THRB: variants seen among roughly 807,000 people sequenced by gnomAD.
THRB encodes nuclear receptor subfamily 1 group A member 2.
Under a neutral mutation model 47.8 loss-of-function variants are expected in THRB, and 12 were observed. The observed-to-expected ratio is 0.25, with a 90% CI of 0.16 to 0.41. The LOEUF (loss-of-function observed/expected upper bound fraction) is 0.41, where lower values mean the gene tolerates loss of function less well. Ranked by LOEUF, THRB falls within the 10% of genes least tolerant of loss-of-function variation. THRB has a pLI of 1.00. For synonymous variants in THRB, 218 were observed against 212.2 expected, an observed-to-expected ratio of 1.03 and a Z score of -0.24; for missense variants, 348 against 589.2, an observed-to-expected ratio of 0.59 and a Z score of 4.24.
At position 24,297,303 on chromosome 3, in the gene THRB, C is replaced by T. The variant is rs775263396; in HGVS notation, c.-120G>A. 3.3e-5 allele frequency: 5 copies of T among 152,198 alleles called. No homozygotes were observed. Among genetic ancestry groups the T allele is most frequent in the Non-Finnish European group, 5.9e-5 (4 of 68,034 alleles). The allele number at this position is 152,198 out of a possible 1,614,324, so 9.4% of individuals were successfully genotyped here. A position where few individuals can be genotyped will look rare whatever the true frequency, so the allele number is the denominator to read the frequency against. On this transcript the variant is annotated 5_prime_UTR_variant, in exon 3 of 11. Coordinates refer to ENST00000646209, the MANE Select transcript of THRB (RefSeq NM_001354712.2). ...TCAAGACGTTTGTTTTTCTGCATTT[C>T]CTCTTCCTACAGTGAAGTCACTGGG...
intron 10 of THRB, among the ~76,000 whole-genome samples, 165 bp downstream of exon 10, chr3:24,127,334 C>A (rs1489448380): frequency 6.6e-6 from 1 of 152,154 alleles, no homozygotes; most frequent in Non-Finnish European, 1.5e-5. Flanking sequence ...ATCTGACGCC[C>A]CCCCTTTAAG....
intron 1 of THRB, among the ~76,000 whole-genome samples, chr3:24,440,046 T>C (rs1340088881): frequency 6.6e-6 from 1 of 152,244 alleles, no homozygotes; most frequent in Non-Finnish European, 1.5e-5. Context: ...CTCTACTATA[T>C]GATCCATTAT....
intron 4 of THRB, among the ~76,000 whole-genome samples, chr3:24,221,746 A>G (rs117410417): frequency 6.6e-6 from 1 of 152,310 alleles, no homozygotes; most frequent in East Asian, 1.9e-4. Flanking sequence ...TCAAATTTGG[A>G]AACTGAAGTT....
chr3:24,299,802 T>TTTTTA lies in THRB; in HGVS notation c.-188-2432_-188-2431insTAAAA, dbSNP rs1363344985. ...ATTTATTTATTTATTTTTTTTTTTT[T>TTTTTA]AGCAAACATACCAGAGTTTATACCT... On this transcript the variant is annotated intron_variant, in intron 2 of 10. Coordinates refer to ENST00000646209, the MANE Select transcript of THRB (RefSeq NM_001354712.2). 3.0e-4 allele frequency among the ~76,000 whole-genome samples: 40 copies of TTTTTA among 132,986 alleles called. 1 individual carries two copies. The highest frequency in any genetic ancestry group is 1.1e-3 in the African/African-American group (39 of 34,842). The allele number at this position is 132,986 out of a possible 152,430, so 87.2% of individuals were successfully genotyped here.
intron 5 of THRB, among the ~76,000 whole-genome samples, chr3:24,168,737 C>CTT (rs1456943287): frequency 5.3e-5 from 8 of 151,552 alleles, no homozygotes; most frequent in Non-Finnish European, 7.4e-5. Flanking sequence ...TCCCTTAGTT[C>CTT]TTAGCAATTT....
chr3:24,310,564 G>A (rs1293829459), intron 2 of THRB, among the ~76,000 whole-genome samples: 1 of 152,122 alleles, frequency 6.6e-6, no homozygotes, highest in Non-Finnish European at 1.5e-5. Context: ...TCCGGGTTGG[G>A]GTCATAGAAT....
rs769459380 is a variant in THRB, at chr3:24,233,560, G to GAAGAAAGAAAGAAAGAAAGA, written c.-42-4579_-42-4560dup. Among the ~76,000 whole-genome samples, 685 of 77,302 alleles carry GAAGAAAGAAAGAAAGAAAGA rather than the reference G, an allele frequency of 8.9e-3. 8 individuals carry two copies. The highest frequency in any genetic ancestry group is 0.025 in the East Asian group (67 of 2,678). 50.7% of individuals were successfully genotyped at this position (77,302 alleles called of 152,430 possible). A position where few individuals can be genotyped will look rare whatever the true frequency, so the allele number is the denominator to read the frequency against. On this transcript the variant is annotated intron_variant, in intron 3 of 10. Coordinates refer to ENST00000646209, the MANE Select transcript of THRB (RefSeq NM_001354712.2). ...GAAAGAAAGAGAAAGAAAGAAAAAG[G>GAAGAAAGAAAGAAAGAAAGA]AAGAAAGAAAGAAAGAAAGAAAGAA...
intron 2 of THRB, among the ~76,000 whole-genome samples, chr3:24,320,351 T>G (rs1353478238): frequency 6.6e-6 from 1 of 152,190 alleles, no homozygotes; most frequent in South Asian, 2.1e-4. Context: ...TGAACCGGAT[T>G]ATCACGTGAG....
chr3:24,216,557 G>A (rs1170811327), intron 4 of THRB, among the ~76,000 whole-genome samples: 1 of 151,996 alleles, frequency 6.6e-6, no homozygotes, highest in Non-Finnish European at 1.5e-5. Flanking sequence ...GCAGTGAGCC[G>A]AGATTGTGCC....
intron 1 of THRB, among the ~76,000 whole-genome samples, chr3:24,410,728 T>C (rs962544580): frequency 6.6e-6 from 1 of 151,868 alleles, no homozygotes; most frequent in African/African-American, 2.4e-5. Context: ...TTACTTCAAA[T>C]GCATGGTTAA....
chr3:24,323,974 T>G (rs2058651252), intron 2 of THRB, among the ~76,000 whole-genome samples: 1 of 152,182 alleles, frequency 6.6e-6, no homozygotes, highest in Non-Finnish European at 1.5e-5. Flanking sequence ...GCTACATCTG[T>G]TAATAAAAGA....
intron 1 of THRB, among the ~76,000 whole-genome samples, chr3:24,371,364 A>G (rs1560041316): frequency 6.6e-6 from 1 of 152,164 alleles, no homozygotes; most frequent in Admixed American, 6.6e-5. Flanking sequence ...TAAACATAAC[A>G]TTATGTTTCA....
intron 1 of THRB, among the ~76,000 whole-genome samples, chr3:24,338,255 A>G (rs1480018678): frequency 6.6e-6 from 1 of 152,168 alleles, no homozygotes; most frequent in African/African-American, 2.4e-5. Context: ...GAAAAATTGG[A>G]GCATAGGTAT....
chr3:24,255,818 C>T (rs1259564908), intron 3 of THRB, among the ~76,000 whole-genome samples: 1 of 152,178 alleles, frequency 6.6e-6, no homozygotes, highest in South Asian at 2.1e-4. Context: ...TATATTTATC[C>T]TAAGTCAGAA....
chr3:24,354,447 AAC>A (rs2063545894), intron 1 of THRB, among the ~76,000 whole-genome samples: 1 of 152,198 alleles, frequency 6.6e-6, no homozygotes, highest in Admixed American at 6.6e-5. Flanking sequence ...ACTTTGGAAG[AAC>A]ACACAAAGCA....
chr3:24,212,596 AAAG>A (rs2046167863), intron 4 of THRB, among the ~76,000 whole-genome samples: 1 of 145,260 alleles, frequency 6.9e-6, no homozygotes, highest in Non-Finnish European at 1.6e-5. Context: ...AAAAAAAAAA[AAAG>A]AAAGAAAAGA....
intron 2 of THRB, among the ~76,000 whole-genome samples, chr3:24,299,766 C>CTGT (rs2056772059): frequency 1.7e-5 from 1 of 58,580 alleles, no homozygotes; most frequent in Non-Finnish European, 3.0e-5. Flanking sequence ...GGGAAGTATG[C>CTGT]TTTTTTATTT....
At chr3:24,374,681 C>T (rs920780447) in intron 1 of THRB, among the ~76,000 whole-genome samples, 1 of 151,910 alleles carries the variant, frequency 6.6e-6, no homozygotes, top group African/African-American at 2.4e-5. Context: ...TTGCATTTTT[C>T]TAGATTTTGA....
intron 3 of THRB, among the ~76,000 whole-genome samples, chr3:24,258,263 C>A (rs774608970): frequency 6.6e-6 from 1 of 152,116 alleles, no homozygotes; most frequent in Non-Finnish European, 1.5e-5. Context: ...AGGCCCTGTC[C>A]GTCTGAGGCA....
Sources: gnomAD v4.1 joint callset for allele counts (sites outside exome capture counted in the v4.1 genomes callset) on GRCh38, gnomAD v4.1.1 for gene constraint, MANE v1.5 for transcripts, NCBI Gene and HGNC (gene_info 2026-07-23, HGNC 2026-07-21) for gene names.